The following PTPN14 variants were observed in gnomAD, a reference collection of about 807,000 sequenced individuals.
PTPN14 encodes tyrosine-protein phosphatase non-receptor type 14.
A neutral mutation model predicts 126.8 loss-of-function variants in PTPN14; 53 were observed. That is an observed-to-expected ratio of 0.42 (90% CI 0.34 to 0.53). The LOEUF is 0.53. PTPN14 is among the 20% of genes least tolerant of loss of function. The pLI, the probability that PTPN14 is intolerant of heterozygous loss-of-function variation, is 0.08. For synonymous variants in PTPN14, 630 were observed against 599.3 expected (o/e 1.05, Z -0.75); for missense variants, 1,257 against 1,552.9 (o/e 0.81, Z 3.20).
intron 1 of PTPN14, chr1:214,529,512 C>G (rs1418065004): frequency 6.6e-6 from 1 of 152,238 alleles, no homozygotes; most frequent in African/African-American, 2.4e-5. Flanking sequence ...ACAGGTTTTC[C>G]TTCTACAGAG....
intron 18 of PTPN14, 68 bp from the exon 19 acceptor site, chr1:214,358,118 C>T: frequency 1.9e-6 from 3 of 1,565,360 alleles, no homozygotes; most frequent in East Asian, 4.5e-5. Context: ...TCCTCATTCC[C>T]TCATTCAGGA....
chr1:214,519,188 GA>G (rs1250439955), intron 1 of PTPN14, among the ~76,000 whole-genome samples: 1 of 152,186 alleles, frequency 6.6e-6, no homozygotes, highest in Non-Finnish European at 1.5e-5. Flanking sequence ...AGAATTGCTT[GA>G]ACCTGGGAGA....
At chr1:214,495,844 G>A (rs528420357) in intron 1 of PTPN14, among the ~76,000 whole-genome samples, 2 of 152,100 alleles carry the variant, frequency 1.3e-5, no homozygotes, top group African/African-American at 2.4e-5. Context: ...ACAGGCACAC[G>A]CCACCATGCC....
chr1:214,433,341 G>T (rs2102610180), intron 3 of PTPN14, among the ~76,000 whole-genome samples: 1 of 152,106 alleles, frequency 6.6e-6, no homozygotes, highest in Middle Eastern at 3.4e-3. Context: ...GAAGAAACTG[G>T]CAGGGTCTAG....
chr1:214,468,518 T>C (rs572672186), intron 1 of PTPN14, among the ~76,000 whole-genome samples: 1 of 152,218 alleles, frequency 6.6e-6, no homozygotes, highest in South Asian at 2.1e-4. Context: ...ATGGCACTAT[T>C]GCACTCCAGC....
At position 214,348,835 on chromosome 1, in the gene PTPN14, T is replaced by A. The variant is rs1436556876; in HGVS notation, c.*9087A>T. The A allele has an allele frequency of 1.3e-5, 2 of 152,124 alleles. No individual in the cohort carries two copies. Among genetic ancestry groups the A allele is most frequent in the African/African-American group, 4.8e-5 (2 of 41,436 alleles). The allele number at this position is 152,124 out of a possible 1,614,324, so 9.4% of individuals were successfully genotyped here. On this transcript the variant is annotated 3_prime_UTR_variant, in exon 19 of 19. Transcript: ENST00000366956. ...AGCAAGCACAAGGGCAGTGAGAACA[T>A]CAACAAGGTCCAATATCTAAATAAG...
At chr1:214,358,180 C>T in intron 18 of PTPN14, 130 bp from the exon 19 acceptor site, 1 of 1,144,628 alleles carries the variant, frequency 8.7e-7, no homozygotes, top group Non-Finnish European at 1.2e-6. Context: ...AGGGACTCTG[C>T]CCTGGCTGGG....
At chr1:214,521,391 A>T (rs1218107290) in intron 1 of PTPN14, among the ~76,000 whole-genome samples, 1 of 152,192 alleles carries the variant, frequency 6.6e-6, no homozygotes, top group African/African-American at 2.4e-5. Context: ...AAGATGTATA[A>T]ATACTAAATG....
rs1159187830 is a variant in PTPN14, at chr1:214,505,288, G to A, written c.-154-40331C>T. ...AGGAGGAGAACCTTCAACAAACAGT[G>A]AAAGGGAACACCCAGGGAAGCAGGA... is the stretch of plus-strand genomic sequence containing the variant. On this transcript the variant is annotated intron_variant, in intron 1 of 18. Transcript: ENST00000366956. 3.3e-5 allele frequency among the ~76,000 whole-genome samples: 5 copies of A among 152,150 alleles called. No homozygotes were observed. In the East Asian group the frequency reaches 5.8e-4, roughly 18 times the overall value.
In PTPN14 at chr1:214,364,975, C is replaced by G. The variant is rs542487117; in HGVS notation, c.3272-300G>C. On this transcript the variant is annotated intron_variant, in intron 17 of 18. Coordinates refer to ENST00000366956, the MANE Select transcript of PTPN14 (RefSeq NM_005401.5). The surrounding 1 kb of genome is among the most constrained non-coding windows in gnomAD (Gnocchi z 4.1). Reference sequence around the variant, plus strand: ...TAAAAATTAAATTCTGTTTTCCCCTCTGCAAATCCCTAAGTCCCTCAAGCA... The same window carrying G: ...TAAAAATTAAATTCTGTTTTCCCCTGTGCAAATCCCTAAGTCCCTCAAGCA... Among the ~76,000 whole-genome samples, 12 of 152,142 alleles carry G rather than the reference C, an allele frequency of 7.9e-5. No homozygotes were observed. The East Asian group carries it at 2.3e-3, about 30-fold the overall frequency.
intron 7 of PTPN14, among the ~76,000 whole-genome samples, chr1:214,400,547 A>C (rs756713087): frequency 2.0e-5 from 3 of 152,210 alleles, no homozygotes; most frequent in Non-Finnish European, 4.4e-5. Context: ...CGCAGTCCAC[A>C]TTAAAAAACA....
intron 1 of PTPN14, among the ~76,000 whole-genome samples, chr1:214,495,573 A>G (rs184394130): frequency 1.3e-5 from 2 of 152,368 alleles, no homozygotes; most frequent in Non-Finnish European, 2.9e-5. Flanking sequence ...ACTCCAGGAG[A>G]AAAGGTACTT....
chr1:214,459,455 T>C (rs1461606910), intron 2 of PTPN14, among the ~76,000 whole-genome samples: 1 of 143,666 alleles, frequency 7.0e-6, no homozygotes, highest in Non-Finnish European at 1.5e-5. Flanking sequence ...GCCCAGCTGA[T>C]CCCCACTCTT....
intron 11 of PTPN14, among the ~76,000 whole-genome samples, chr1:214,389,585 AG>A (rs1439038760): frequency 6.6e-6 from 1 of 152,222 alleles, no homozygotes; most frequent in Admixed American, 6.5e-5. Flanking sequence ...CCTAAAGGAC[AG>A]GGGAAAGGGG....
chr1:214,429,073 T>C (rs889059161), intron 3 of PTPN14, among the ~76,000 whole-genome samples: 2 of 152,208 alleles, frequency 1.3e-5, no homozygotes, highest in African/African-American at 4.8e-5. Context: ...ATCCCAAATA[T>C]TGCCTCACTT....
chr1:214,505,237 A>T (rs1400933026), intron 1 of PTPN14, among the ~76,000 whole-genome samples: 1 of 152,090 alleles, frequency 6.6e-6, no homozygotes, highest in East Asian at 1.9e-4. Context: ...ATGACACCTG[A>T]CACCTACATT....
intron 5 of PTPN14, among the ~76,000 whole-genome samples, chr1:214,408,637 T>A (rs1352391459): frequency 1.3e-5 from 2 of 152,144 alleles, no homozygotes; most frequent in East Asian, 3.8e-4. Flanking sequence ...TACATACATA[T>A]GTACATACAT....
intron 1 of PTPN14, among the ~76,000 whole-genome samples, chr1:214,525,962 CTTTTT>C (rs34019620): frequency 3.1e-5 from 4 of 130,064 alleles, no homozygotes; most frequent in Admixed American, 7.9e-5. Flanking sequence ...CTAAAGTCAA[CTTTTT>C]TTTTTTTTTT....
intron 1 of PTPN14, among the ~76,000 whole-genome samples, chr1:214,473,025 T>C (rs1235874261): frequency 6.6e-6 from 1 of 152,234 alleles, no homozygotes; most frequent in African/African-American, 2.4e-5. Flanking sequence ...ACAGAAAACC[T>C]TCAGGCACTT....
Sources: allele counts gnomAD v4.1 joint callset (sites outside exome capture counted in the v4.1 genomes callset), GRCh38; gene constraint gnomAD v4.1.1; non-coding constraint Gnocchi (gnomAD v3.1); transcripts MANE v1.5; gene names NCBI Gene and HGNC (gene_info 2026-07-23, HGNC 2026-07-21).